The following UBQLN1 variants were observed in gnomAD, a reference collection of about 807,000 sequenced individuals.
UBQLN1 encodes ubiquilin-1.
In UBQLN1, 13 loss-of-function variants were observed where a neutral mutation model predicts 65.4. The ratio of observed to expected loss-of-function variants is 0.20; its 90% CI spans 0.13 to 0.32. The LOEUF is 0.32. UBQLN1 is among the 10% of genes least tolerant of loss of function. UBQLN1 has a pLI of 1.00. For synonymous variants in UBQLN1, 267 were observed against 247.8 expected, an observed-to-expected ratio of 1.08 and a Z score of -0.73; for missense variants, 561 against 724.0, an observed-to-expected ratio of 0.77 and a Z score of 2.58.
At chr9:83,679,661 G>A (rs1831907529) in intron 4 of UBQLN1, 114 bp downstream of exon 4, 1 of 1,161,676 alleles carries the variant, frequency 8.6e-7, no homozygotes, top group African/African-American at 1.5e-5. Flanking sequence ...ACCAAGATAA[G>A]GATTTCTCTC....
chr9:83,695,442 C>T (rs942612714), intron 1 of UBQLN1, among the ~76,000 whole-genome samples: 2 of 152,208 alleles, frequency 1.3e-5, no homozygotes, highest in Non-Finnish European at 2.9e-5. Context: ...TTGTGATCTG[C>T]CCACCTCAGC....
intron 7 of UBQLN1, chr9:83,668,543 C>G (rs1394667713): frequency 3.0e-6 from 3 of 985,212 alleles, no homozygotes; most frequent in South Asian, 4.7e-5. Context: ...AGGATGAGGC[C>G]CCAACCATCG....
At chr9:83,664,162 G>C in intron 9 of UBQLN1, 119 bp from the exon 10 acceptor site, 1 of 1,085,424 alleles carries the variant, frequency 9.2e-7, no homozygotes, top group East Asian at 2.6e-5. Flanking sequence ...CTTTTGGCCT[G>C]GTGCAGTGGC....
At chr9:83,669,434 A>G in intron 6 of UBQLN1, 107 bp from the exon 7 acceptor site, 1 of 1,019,592 alleles carries the variant, frequency 9.8e-7, no homozygotes, top group Admixed American at 3.4e-5. Context: ...AGTACAAATG[A>G]TTATACATAT....
intron 4 of UBQLN1, 38 bp downstream of exon 4, chr9:83,679,736 AT>A: frequency 6.3e-7 from 1 of 1,597,298 alleles, no homozygotes; most frequent in Non-Finnish European, 8.6e-7. Flanking sequence ...CAAATATATC[AT>A]TTTTTAGCTA....
At chr9:83,689,163 T>C (rs1832087619) in intron 1 of UBQLN1, among the ~76,000 whole-genome samples, 1 of 152,230 alleles carries the variant, frequency 6.6e-6, no homozygotes, top group African/African-American at 2.4e-5. Context: ...ATAAATGCAA[T>C]ATTATAACAT....
At chr9:83,695,584 T>C (rs1832197806) in intron 1 of UBQLN1, among the ~76,000 whole-genome samples, 1 of 151,214 alleles carries the variant, frequency 6.6e-6, no homozygotes, top group African/African-American at 2.4e-5. Context: ...GTAAAAGTTA[T>C]ATCCTTTAAG....
At chr9:83,681,903 T>C (rs1316853125) in intron 3 of UBQLN1, among the ~76,000 whole-genome samples, 3 of 152,156 alleles carry the variant, frequency 2.0e-5, no homozygotes, top group Non-Finnish European at 4.4e-5. Context: ...TGACTTTCAT[T>C]AGCTTGAGTC....
At chr9:83,702,714 G>C (rs969605411) in intron 1 of UBQLN1, among the ~76,000 whole-genome samples, 11 of 152,006 alleles carry the variant, frequency 7.2e-5, no homozygotes, top group Non-Finnish European at 1.5e-4. Context: ...CACTTTTTAA[G>C]TACTTAACCA....
intron 1 of UBQLN1, among the ~76,000 whole-genome samples, chr9:83,690,966 C>T (rs1454417015): frequency 2.6e-5 from 4 of 152,040 alleles, no homozygotes; most frequent in Admixed American, 6.5e-5. Context: ...GGCAAAACCC[C>T]GTCTCTGCTA....
At chr9:83,673,236 C>G (rs989040381) in intron 6 of UBQLN1, among the ~76,000 whole-genome samples, 19 of 148,816 alleles carry the variant, frequency 1.3e-4, no homozygotes, top group Non-Finnish European at 2.4e-4. Context: ...CAAAACAAAC[C>G]AAAAAACCAA....
intron 6 of UBQLN1, among the ~76,000 whole-genome samples, chr9:83,672,341 T>C (rs575413282): frequency 6.6e-6 from 1 of 152,366 alleles, no homozygotes; most frequent in African/African-American, 2.4e-5. Context: ...GGCCTAGCTT[T>C]TGGCCTATTT....
In UBQLN1 at chr9:83,661,666, T is replaced by A; in HGVS notation, c.*121A>T. ...CTGTACTCCACCTTAAAATGCATCA[T>A]ATTGGGTTTGTTTATAACAGCACAG... is the stretch of plus-strand genomic sequence containing the variant. On this transcript the variant is annotated 3_prime_UTR_variant, in exon 11 of 11. Transcript: ENST00000376395. 1.1e-5 allele frequency: 12 copies of A among 1,085,780 alleles called. No individual in the cohort carries two copies. Among genetic ancestry groups the A allele is most frequent in the Non-Finnish European group, 1.5e-5 (12 of 780,438 alleles). 67.3% of individuals were successfully genotyped at this position (1,085,780 alleles called of 1,614,324 possible).
chr9:83,680,509 G>C (rs1831922640), intron 3 of UBQLN1, among the ~76,000 whole-genome samples: 2 of 152,004 alleles, frequency 1.3e-5, no homozygotes, highest in Non-Finnish European at 2.9e-5. Flanking sequence ...TAAGGGTAGG[G>C]AGGTGGAGAT....
At chr9:83,701,260 T>C (rs944465473) in intron 1 of UBQLN1, among the ~76,000 whole-genome samples, 1 of 152,124 alleles carries the variant, frequency 6.6e-6, no homozygotes, top group Non-Finnish European at 1.5e-5. Flanking sequence ...GAAAAATAAC[T>C]ATTTTCTCAG....
chr9:83,674,952 G>T (rs1009383396), intron 6 of UBQLN1, among the ~76,000 whole-genome samples: 2 of 152,110 alleles, frequency 1.3e-5, no homozygotes, highest in Non-Finnish European at 2.9e-5. Context: ...GACTTAGTTG[G>T]ACATATTTTC....
Position 83,707,651 on chromosome 9 carries a change from G to C in UBQLN1, c.29C>G (p.Pro10Arg), listed in dbSNP as rs1832438503. 1 of 1,562,276 alleles carries C rather than the reference G, an allele frequency of 6.4e-7. No homozygotes were observed. Among genetic ancestry groups the C allele is most frequent in the East Asian group, 2.4e-5 (1 of 42,124 alleles). The change falls in exon 1 of 11, where the codon CCT becomes CGT. Residue 10 changes from proline to arginine, a missense_variant. Pro to Arg is a moderately radical substitution (Grantham distance 103, BLOSUM62 -2). This residue lies in a region of UBQLN1 where 101 missense variants were observed against 104.9 expected (regional missense o/e 0.96). Transcript: ENST00000376395. The part of the protein sequence containing the change: MAESGESGG[P>R]PGSQDSAAGA... ...GGCGGCGCTATCCTGGGAGCCCGGAGGACCGCCGCTTTCACCACTCTCGGC... is the reference window on the plus strand; with the variant it reads ...GGCGGCGCTATCCTGGGAGCCCGGACGACCGCCGCTTTCACCACTCTCGGC...
intron 1 of UBQLN1, among the ~76,000 whole-genome samples, chr9:83,703,162 C>CA (rs11418417): frequency 0.62 from 92,242 of 148,792 alleles, 28,647 homozygotes; most frequent in East Asian, 0.86. Context: ...AACAATTAAC[C>CA]AAAAAAAAAA....
At chr9:83,681,103 C>G (rs1360913159) in intron 3 of UBQLN1, among the ~76,000 whole-genome samples, 2 of 152,156 alleles carry the variant, frequency 1.3e-5, no homozygotes, top group Admixed American at 6.5e-5. Context: ...TAACAGGAAG[C>G]AGAATTCACC....
Sources: allele counts gnomAD v4.1 joint callset (sites outside exome capture counted in the v4.1 genomes callset), GRCh38; gene constraint gnomAD v4.1.1; regional missense constraint gnomAD v4.1.1; transcripts MANE v1.5; gene names NCBI Gene and HGNC (gene_info 2026-07-23, HGNC 2026-07-21).